The following DPP6 variants were observed in gnomAD, a reference collection of about 807,000 sequenced individuals.
DPP6 encodes dipeptidyl peptidase like 6, also known as A-type potassium channel modulatory protein DPP6.
DPP6 carries 69 observed loss-of-function variants against 122.6 expected under a neutral mutation model. The observed-to-expected ratio is 0.56, with a 90% confidence interval of 0.46 to 0.69. The LOEUF is 0.69. DPP6 is among the 30% of genes least tolerant of loss of function. DPP6 has a pLI of 0.00. For synonymous variants in DPP6, 418 were observed against 433.1 expected, an observed-to-expected ratio of 0.97 and a Z score of 0.43; for missense variants, 928 against 1,116.9, an observed-to-expected ratio of 0.83 and a Z score of 2.41.
intron 8 of DPP6, among the ~76,000 whole-genome samples, chr7:154,749,448 GCGGC>G (rs1843232122): frequency 6.6e-6 from 1 of 150,822 alleles, no homozygotes; most frequent in African/African-American, 2.5e-5. Context: ...GAGAGGGATG[GCGGC>G]TTTACTGAGA....
intron 1 of DPP6, among the ~76,000 whole-genome samples, chr7:154,130,939 G>A (rs917052287): frequency 1.4e-4 from 22 of 152,300 alleles, no homozygotes; most frequent in Non-Finnish European, 3.1e-4. Context: ...ATTGCTCATA[G>A]AGAAATAAGT....
intron 5 of DPP6, among the ~76,000 whole-genome samples, chr7:154,610,865 C>A (rs1050827547): frequency 6.6e-6 from 1 of 152,104 alleles, no homozygotes; most frequent in Admixed American, 6.6e-5. Flanking sequence ...TTAATCCCAG[C>A]ATTTTATGTG....
At chr7:154,192,874 A>T (rs1232700097) in intron 1 of DPP6, among the ~76,000 whole-genome samples, 1 of 152,256 alleles carries the variant, frequency 6.6e-6, no homozygotes, top group Non-Finnish European at 1.5e-5. Flanking sequence ...AGAAGACCCC[A>T]GGCCAGGTGG....
At chr7:153,796,208 TCTATAG>T in the DPP6 span, among the ~76,000 whole-genome samples, 1 of 113,068 alleles carries the variant, frequency 8.8e-6, no homozygotes, top group African/African-American at 3.3e-5. Flanking sequence ...GGTATGACAG[TCTATAG>T]CTATAATGAT....
At chr7:153,778,381 A>G in the DPP6 span, among the ~76,000 whole-genome samples, 4 of 152,158 alleles carry the variant, frequency 2.6e-5, no homozygotes, top group South Asian at 4.2e-4. Context: ...ATGTGTGTGT[A>G]TAGTTGTTAT....
chr7:154,711,945 C>CACGCACACACACA (rs1554443053), intron 7 of DPP6, among the ~76,000 whole-genome samples: 5 of 149,796 alleles, frequency 3.3e-5, no homozygotes, highest in Admixed American at 2.7e-4. Flanking sequence ...TTAATACACA[C>CACGCACACACACA]ACACACACAC....
chr7:153,883,822 AGT>A (rs1261600279), upstream of DPP6, among the ~76,000 whole-genome samples: 1 of 152,156 alleles, frequency 6.6e-6, no homozygotes, highest in Non-Finnish European at 1.5e-5. Flanking sequence ...TATTCTGTGC[AGT>A]GTTTCCTTTT....
intron 1 of DPP6, among the ~76,000 whole-genome samples, chr7:153,990,001 C>T (rs1435969653): frequency 7.7e-6 from 1 of 130,358 alleles, no homozygotes; most frequent in East Asian, 2.6e-4. Flanking sequence ...GCCAGCCTTG[C>T]CCTCAGTCCT....
At chr7:154,324,864 G>GTTCT (rs1172014611) in intron 1 of DPP6, among the ~76,000 whole-genome samples, 1 of 59,592 alleles carries the variant, frequency 1.7e-5, no homozygotes, top group Admixed American at 2.2e-4. Context: ...CTTTCCTTTT[G>GTTCT]TTATTTTTTT....
intron 1 of DPP6, among the ~76,000 whole-genome samples, chr7:154,436,432 G>A (rs190524056): frequency 2.0e-5 from 3 of 151,630 alleles, no homozygotes; most frequent in East Asian, 1.9e-4. Flanking sequence ...ATCATTATAC[G>A]CCCTCTTGAC....
intron 1 of DPP6, among the ~76,000 whole-genome samples, chr7:154,253,971 T>G (rs1176433248): frequency 6.6e-6 from 1 of 152,042 alleles, no homozygotes; most frequent in East Asian, 1.9e-4. Context: ...GCTGCAAACT[T>G]TAAAGCAACC....
intron 1 of DPP6, among the ~76,000 whole-genome samples, chr7:153,887,893 C>A (rs565189540): frequency 2.0e-5 from 3 of 152,246 alleles, no homozygotes; most frequent in African/African-American, 7.2e-5. Context: ...CCCGAGCCCA[C>A]CCAGCGGCAG....
chr7:154,695,739 G>A (rs1451533789), intron 7 of DPP6, among the ~76,000 whole-genome samples: 2 of 152,142 alleles, frequency 1.3e-5, no homozygotes, highest in African/African-American at 2.4e-5. Flanking sequence ...GATCAGGGAG[G>A]TGCCGAGGGT....
chr7:154,021,768 C>G (rs1470370749), intron 1 of DPP6, among the ~76,000 whole-genome samples: 2 of 152,172 alleles, frequency 1.3e-5, no homozygotes, highest in Non-Finnish European at 2.9e-5. Context: ...CAGCCTCAGT[C>G]TCCTATGGTG....
rs1434256765 is a variant in DPP6, at chr7:154,607,097, G to C, written c.628-30724G>C. ...GATGCCAATCATCTCCACATGAGCA[G>C]CTCATTTCTCCAGTAAACTGTGGAT... On this transcript the variant is annotated intron_variant, in intron 5 of 25. Coordinates refer to ENST00000377770, the MANE Select transcript of DPP6 (RefSeq NM_130797.4). Among the ~76,000 whole-genome samples the C allele has an allele frequency of 3.3e-5, 4 of 121,036 alleles. 1 individual carries two copies. The highest frequency in any genetic ancestry group is 1.1e-4 in the African/African-American group (4 of 37,986). 79.4% of individuals were successfully genotyped at this position (121,036 alleles called of 152,430 possible). A position where few individuals can be genotyped will look rare whatever the true frequency, so the allele number is the denominator to read the frequency against.
intron 10 of DPP6, among the ~76,000 whole-genome samples, chr7:154,784,456 A>C (rs577054082): frequency 6.6e-6 from 1 of 152,318 alleles, no homozygotes; most frequent in South Asian, 2.1e-4. Context: ...TGAGAAAGAA[A>C]CACTTCACTG....
chr7:154,114,734 A>G (rs1029579310), intron 1 of DPP6, among the ~76,000 whole-genome samples: 70 of 152,250 alleles, frequency 4.6e-4, no homozygotes, highest in African/African-American at 1.6e-3. Context: ...ACCTCAGTCA[A>G]CCGATCATAG....
intron 8 of DPP6, among the ~76,000 whole-genome samples, chr7:154,742,866 G>A (rs1842876742): frequency 1.3e-5 from 2 of 152,016 alleles, no homozygotes; most frequent in South Asian, 2.1e-4. Context: ...AAGAGCCTCT[G>A]GGACTTACGG....
intron 3 of DPP6, among the ~76,000 whole-genome samples, chr7:154,507,948 C>G (rs942995377): frequency 1.4e-5 from 2 of 140,638 alleles, no homozygotes; most frequent in African/African-American, 5.1e-5. Flanking sequence ...GGAGGAAGAA[C>G]TTATTATTAA....
Sources: gnomAD v4.1 joint callset for allele counts (sites outside exome capture counted in the v4.1 genomes callset) on GRCh38, gnomAD v4.1.1 for gene constraint, MANE v1.5 for transcripts, NCBI Gene and HGNC (gene_info 2026-07-23, HGNC 2026-07-21) for gene names.